The following FAP variants were observed in gnomAD, a reference collection of about 807,000 sequenced individuals.
The protein encoded by FAP is prolyl endopeptidase FAP.
In FAP, 110 loss-of-function variants were observed where a neutral mutation model predicts 126.5. That is an observed-to-expected ratio of 0.87 (90% CI 0.74 to 1.02). The LOEUF (loss-of-function observed/expected upper bound fraction) is 1.02, where lower values mean the gene tolerates loss of function less well. FAP is among the 50% of genes least tolerant of loss of function. The pLI, the probability that FAP is intolerant of heterozygous loss-of-function variation, is 0.00. For missense variants in FAP, 919 were observed against 909.2 expected (o/e 1.01, Z -0.14); for synonymous variants, 334 against 297.3 (o/e 1.12, Z -1.27).
At chr2:162,176,709 T>C (rs1044820374) in intron 21 of FAP, 1 of 152,180 alleles carries the variant, frequency 6.6e-6, no homozygotes, top group African/African-American at 2.4e-5. Flanking sequence ...AAAGTGTGTT[T>C]ACTGCAAGTA....
chr2:162,218,980 C>G, intron 8 of FAP, 83 bp downstream of exon 8: 1 of 1,103,092 alleles, frequency 9.1e-7, no homozygotes, highest in Non-Finnish European at 1.2e-6. Flanking sequence ...TAAGATACTA[C>G]TCATCTAAAT....
chr2:162,226,451 A>G lies in FAP; in HGVS notation c.190+72T>C, dbSNP rs958330315. On this transcript the variant is annotated intron_variant, in intron 3 of 25. Coordinates refer to ENST00000188790, the MANE Select transcript of FAP (RefSeq NM_004460.5). ...TGATACGGCTTCAGTTACTATAGAGATGTATTGGCACTAAAATAAAAACCA... is the reference window on the plus strand; with the variant it reads ...TGATACGGCTTCAGTTACTATAGAGGTGTATTGGCACTAAAATAAAAACCA... 15 of 690,300 alleles carry G rather than the reference A, an allele frequency of 2.2e-5. 2 individuals are homozygous for G. In the South Asian group the frequency reaches 2.5e-4, roughly 12 times the overall value. 42.8% of individuals were successfully genotyped at this position (690,300 alleles called of 1,614,324 possible).
intron 2 of FAP, among the ~76,000 whole-genome samples, chr2:162,237,061 T>C (rs1212933707): frequency 1.3e-5 from 2 of 152,188 alleles, no homozygotes; most frequent in Non-Finnish European, 2.9e-5. Flanking sequence ...ATAAGTATTG[T>C]AAGTTATTCT....
intron 14 of FAP, 127 bp downstream of exon 14, chr2:162,202,745 A>G: frequency 1.6e-6 from 1 of 628,828 alleles, no homozygotes; most frequent in Middle Eastern, 2.6e-4. Context: ...TCGTAAATGA[A>G]CTCACAACTG....
At chr2:162,178,906 A>G (rs1687583735) in intron 21 of FAP, among the ~76,000 whole-genome samples, 1 of 152,090 alleles carries the variant, frequency 6.6e-6, no homozygotes, top group Admixed American at 6.6e-5. Flanking sequence ...CCAATTTCCC[A>G]CAGGTCCCTG....
chr2:162,215,354 C>G (rs1689121713), intron 10 of FAP, among the ~76,000 whole-genome samples: 1 of 152,188 alleles, frequency 6.6e-6, no homozygotes. Flanking sequence ...CTGAAGGTCA[C>G]TGTATTCTGG....
chr2:162,206,789 C>T (rs982924493), intron 12 of FAP, among the ~76,000 whole-genome samples: 4 of 152,028 alleles, frequency 2.6e-5, no homozygotes, highest in Non-Finnish European at 5.9e-5. Context: ...GGTTATTAAT[C>T]CTAACTTAAA....
At chr2:162,174,003 T>C (rs547903795) in intron 22 of FAP, among the ~76,000 whole-genome samples, 1 of 152,170 alleles carries the variant, frequency 6.6e-6, no homozygotes, top group East Asian at 1.9e-4. Context: ...AAGGAAGAGA[T>C]TATGGAAACA....
chr2:162,230,471 G>A (rs750775426), intron 2 of FAP, among the ~76,000 whole-genome samples: 1 of 150,982 alleles, frequency 6.6e-6, no homozygotes, highest in Admixed American at 6.6e-5. Flanking sequence ...ACTATTATAC[G>A]TTCAGCTGCT....
intron 2 of FAP, among the ~76,000 whole-genome samples, chr2:162,239,401 T>C (rs543180530): frequency 6.6e-6 from 1 of 152,230 alleles, no homozygotes; most frequent in Admixed American, 6.5e-5. Flanking sequence ...GCTTCTTATA[T>C]CTTTCTTCTT....
intron 6 of FAP, among the ~76,000 whole-genome samples, chr2:162,222,202 GC>G (rs1689432475): frequency 6.6e-6 from 1 of 152,064 alleles, no homozygotes; most frequent in Non-Finnish European, 1.5e-5. Flanking sequence ...CATGATGAGA[GC>G]TTTGAGAAAC....
chr2:162,222,096 C>T (rs1278029527), intron 6 of FAP, among the ~76,000 whole-genome samples: 1 of 152,000 alleles, frequency 6.6e-6, no homozygotes, highest in Non-Finnish European at 1.5e-5. Context: ...TTACATAACC[C>T]ATGATTAAAA....
Position 162,218,092 on chromosome 2 carries a change from T to A in FAP, c.656A>T (p.Lys219Ile). The A allele has an allele frequency of 6.2e-7, 1 of 1,609,760 alleles. No individual in the cohort carries two copies. Among genetic ancestry groups the A allele is most frequent in the Non-Finnish European group, 8.5e-7 (1 of 1,177,890 alleles). Residue 219 changes from lysine to isoleucine, a missense_variant, in exon 9 of 26, where the codon AAA becomes ATA. By Grantham distance (102) the Lys-to-Ile change is moderately radical. Transcript: ENST00000188790. ...ATTAAATTCCGCATATGCCAAAAAT[T>A]TTCCATTAGGAGACCACCAGAGAGC... ...KYALWWSPNGKFLAYAEFNDT... is the reference protein window; with the variant it reads ...KYALWWSPNGIFLAYAEFNDT...
At chr2:162,189,335 A>G (rs749187022) in intron 18 of FAP, among the ~76,000 whole-genome samples, 163 bp from the exon 19 acceptor site, 7 of 152,044 alleles carry the variant, frequency 4.6e-5, no homozygotes, top group Non-Finnish European at 7.4e-5. Context: ...TTTGTGTTAA[A>G]TGTATAAATG....
chr2:162,224,367 G>A, intron 5 of FAP, 99 bp downstream of exon 5: 1 of 684,868 alleles, frequency 1.5e-6, no homozygotes, highest in Non-Finnish European at 2.6e-6. Flanking sequence ...TGAATATTTA[G>A]AGATAAAGAC....
intron 11 of FAP, among the ~76,000 whole-genome samples, chr2:162,213,390 A>G (rs944678655): frequency 1.3e-5 from 2 of 151,256 alleles, no homozygotes; most frequent in Admixed American, 1.3e-4. Flanking sequence ...AAAAACAAAA[A>G]ACAAAAAAAC....
At chr2:162,228,066 G>A (rs981064202) in intron 2 of FAP, among the ~76,000 whole-genome samples, 16 of 152,120 alleles carry the variant, frequency 1.1e-4, no homozygotes, top group African/African-American at 3.6e-4. Flanking sequence ...ATAAGGCCAG[G>A]AATCATGTCT....
intron 2 of FAP, among the ~76,000 whole-genome samples, chr2:162,235,601 CAAAACAGACCAATCAGCTCTCTGT>C (rs1322669925): frequency 5.3e-5 from 8 of 152,186 alleles, no homozygotes; most frequent in East Asian, 1.9e-4. Flanking sequence ...AGCACCCTAT[CAAAACAGACCAATCAGCTCTCTGT>C]AAAACAGACC....
chr2:162,187,544 A>T (rs1687903984), intron 20 of FAP, among the ~76,000 whole-genome samples: 1 of 152,138 alleles, frequency 6.6e-6, no homozygotes, highest in Admixed American at 6.6e-5. Flanking sequence ...GGAAAAGATG[A>T]TTGAACCATA....
Sources: gnomAD v4.1 joint callset for allele counts (sites outside exome capture counted in the v4.1 genomes callset) on GRCh38, gnomAD v4.1.1 for gene constraint, MANE v1.5 for transcripts, NCBI Gene and HGNC (gene_info 2026-07-23, HGNC 2026-07-21) for gene names.